SCGN: variants seen among roughly 807,000 people sequenced by gnomAD.
SCGN encodes the protein secretagogin, EF-hand calcium binding protein.
A neutral mutation model predicts 39.7 loss-of-function variants in SCGN; 30 were observed. That is an observed-to-expected ratio of 0.76 (90% CI 0.57 to 1.03). The LOEUF is 1.03. Ranked by LOEUF, SCGN falls within the 50% of genes least tolerant of loss-of-function variation. SCGN has a pLI of 0.00. For synonymous variants in SCGN, 106 were observed against 114.1 expected (o/e 0.93, Z 0.45); for missense variants, 353 against 349.4 (o/e 1.01, Z -0.08).
At chr6:25,667,417 G>A (rs1049332793) in intron 4 of SCGN, among the ~76,000 whole-genome samples, 5 of 152,098 alleles carry the variant, frequency 3.3e-5, no homozygotes, top group African/African-American at 1.2e-4. Flanking sequence ...TCCCATTACA[G>A]TCTACATATT....
At chr6:25,673,667 A>C (rs915456370) in intron 6 of SCGN, among the ~76,000 whole-genome samples, 1 of 152,152 alleles carries the variant, frequency 6.6e-6, no homozygotes, top group African/African-American at 2.4e-5. Context: ...CCCACACCTC[A>C]TAGCTCTTCT....
Position 25,653,252 on chromosome 6 carries a change from G to A in SCGN, c.83-130G>A, listed in dbSNP as rs879333817. The A allele has an allele frequency of 2.4e-4, 159 of 656,402 alleles. 1 individual carries two copies. The highest frequency in any genetic ancestry group is 3.8e-4 in the Non-Finnish European group (144 of 383,962). 40.7% of individuals were successfully genotyped at this position (656,402 alleles called of 1,614,324 possible). A position where few individuals can be genotyped will look rare whatever the true frequency, so the allele number is the denominator to read the frequency against. On this transcript the variant is annotated intron_variant, in intron 1 of 10. Transcript: ENST00000377961. The stretch of plus-strand genomic sequence containing the variant: ...TTCTAGAGGTAGGTGTTGGCACTTT[G>A]TTATTGGAATAACAAAAAATAGTGT...
chr6:25,699,950 A>G (rs1306303837), intron 10 of SCGN, among the ~76,000 whole-genome samples: 1 of 152,036 alleles, frequency 6.6e-6, no homozygotes, highest in Non-Finnish European at 1.5e-5. Context: ...ATCTATTTTA[A>G]ATTTAGGGCC....
intron 2 of SCGN, among the ~76,000 whole-genome samples, chr6:25,657,608 A>G (rs1337308289): frequency 6.6e-6 from 1 of 151,462 alleles, no homozygotes; most frequent in Non-Finnish European, 1.5e-5. Context: ...CCCACACAGG[A>G]TCATTGAAGC....
intron 7 of SCGN, among the ~76,000 whole-genome samples, chr6:25,685,354 G>A (rs1462726422): frequency 6.6e-6 from 1 of 152,180 alleles, no homozygotes; most frequent in Non-Finnish European, 1.5e-5. Context: ...GCTGTGAAAT[G>A]CAGTTCAATT....
At chr6:25,696,271 A>G (rs939845231) in intron 10 of SCGN, among the ~76,000 whole-genome samples, 2 of 152,194 alleles carry the variant, frequency 1.3e-5, no homozygotes, top group African/African-American at 2.4e-5. Flanking sequence ...AAACAGAAGC[A>G]TAACCTCTAT....
At position 25,697,402 on chromosome 6, in the gene SCGN, T is replaced by C. The variant is rs183525344; in HGVS notation, c.703-3805T>C. ...TTGATTGGTAGAGAATTATTTTAAG[T>C]GGGTTACAATAAAATGCACTTACCA... On this transcript the variant is annotated intron_variant, in intron 10 of 10. Coordinates refer to ENST00000377961, the MANE Select transcript of SCGN (RefSeq NM_006998.4). Among the ~76,000 whole-genome samples, 6 of 152,328 alleles carry C rather than the reference T, an allele frequency of 3.9e-5. No individual in the cohort carries two copies. The East Asian group carries it at 1.2e-3, about 29-fold the overall frequency.
At chr6:25,691,223 G>C in intron 10 of SCGN, 99 bp downstream of exon 10, 2 of 900,720 alleles carry the variant, frequency 2.2e-6, no homozygotes, top group Non-Finnish European at 3.5e-6. Flanking sequence ...TAATGTCAAA[G>C]ATAAAATCTA....
At chr6:25,666,207 C>G (rs966247610) in intron 4 of SCGN, among the ~76,000 whole-genome samples, 6 of 147,778 alleles carry the variant, frequency 4.1e-5, no homozygotes, top group African/African-American at 1.2e-4. Flanking sequence ...AATACAAAAA[C>G]TAGCCGGGCA....
chr6:25,701,007 T>C (rs1759904734), intron 10 of SCGN, among the ~76,000 whole-genome samples, 200 bp from the exon 11 acceptor site: 1 of 152,194 alleles, frequency 6.6e-6, no homozygotes, highest in Non-Finnish European at 1.5e-5. Context: ...TGAAGGGACA[T>C]GCTGAGAAAT....
rs191040102 is a variant in SCGN at position 25,681,884 on chromosome 6, A to G, written c.472-67A>G. ...TGTAATCAGAAGAGCAAAATAGAAA[A>G]GTGCTTTAATAACGTTCAGAATTAG... On this transcript the variant is annotated intron_variant, in intron 6 of 10. Coordinates refer to ENST00000377961, the MANE Select transcript of SCGN (RefSeq NM_006998.4). 5.5e-5 allele frequency: 74 copies of G among 1,357,676 alleles called. No individual in the cohort carries two copies. In the African/African-American group the frequency reaches 1.0e-3, roughly 19 times the overall value. 84.1% of individuals were successfully genotyped at this position (1,357,676 alleles called of 1,614,324 possible).
intron 3 of SCGN, among the ~76,000 whole-genome samples, chr6:25,663,957 T>C (rs9467556): frequency 0.16 from 24,155 of 152,178 alleles, 1,929 homozygotes; most frequent in African/African-American, 0.17. Context: ...TACAAGACAC[T>C]GAGCAAACTA....
chr6:25,698,563 T>C (rs532941796), intron 10 of SCGN, among the ~76,000 whole-genome samples: 16 of 152,308 alleles, frequency 1.1e-4, no homozygotes, highest in African/African-American at 3.4e-4. Context: ...ATCCCCACAT[T>C]GCACTGTACA....
chr6:25,679,709 T>C (rs1175936205), intron 6 of SCGN, among the ~76,000 whole-genome samples: 1 of 152,186 alleles, frequency 6.6e-6, no homozygotes, highest in East Asian at 1.9e-4. Flanking sequence ...AGTCTTAGAG[T>C]TGACTCAACT....
intron 5 of SCGN, 29 bp downstream of exon 5, chr6:25,669,596 T>C (rs756974827): frequency 1.3e-6 from 2 of 1,589,638 alleles, no homozygotes; most frequent in Non-Finnish European, 1.7e-6. Flanking sequence ...AGGGTGGGTT[T>C]GTTTATCATT....
At chr6:25,698,772 C>A (rs1394038886) in intron 10 of SCGN, among the ~76,000 whole-genome samples, 1 of 152,146 alleles carries the variant, frequency 6.6e-6, no homozygotes, top group Non-Finnish European at 1.5e-5. Flanking sequence ...TGAAGTTGAT[C>A]AAGTTTATCT....
At chr6:25,654,082 C>T (rs943014022) in intron 2 of SCGN, among the ~76,000 whole-genome samples, 1 of 152,126 alleles carries the variant, frequency 6.6e-6, no homozygotes, top group Non-Finnish European at 1.5e-5. Context: ...AAATTTTACA[C>T]AGAAACACAT....
At chr6:25,678,005 A>T (rs905948115) in intron 6 of SCGN, among the ~76,000 whole-genome samples, 1 of 152,252 alleles carries the variant, frequency 6.6e-6, no homozygotes, top group African/African-American at 2.4e-5. Context: ...CTAAAATATT[A>T]TTCAATCTAA....
chr6:25,699,447 G>A lies in SCGN; in HGVS notation c.703-1760G>A, dbSNP rs923053221. On this transcript the variant is annotated intron_variant, in intron 10 of 10. Coordinates refer to ENST00000377961, the MANE Select transcript of SCGN (RefSeq NM_006998.4). ...CTACTGAAAAAATACAAAATTAGCC[G>A]GGTGTGGTGGTGGGCACCTGTAATC... Among the ~76,000 whole-genome samples, 137 of 151,746 alleles carry A rather than the reference G, an allele frequency of 9.0e-4. 2 individuals carry two copies. Among genetic ancestry groups the A allele is most frequent in the Admixed American group, 8.3e-3 (126 of 15,224 alleles).
Sources: allele counts gnomAD v4.1 joint callset (sites outside exome capture counted in the v4.1 genomes callset), GRCh38; gene constraint gnomAD v4.1.1; transcripts MANE v1.5; gene names NCBI Gene and HGNC (gene_info 2026-07-23, HGNC 2026-07-21).